XRCC1: variants seen among roughly 807,000 people sequenced by gnomAD.
XRCC1 encodes X-ray repair cross complementing 1.
XRCC1 carries 52 observed loss-of-function variants against 83.3 expected under a neutral mutation model. That is an observed-to-expected ratio of 0.62 (90% CI 0.50 to 0.79). XRCC1 has a LOEUF of 0.79. XRCC1 is among the 30% of genes least tolerant of loss of function. The pLI is 0.00. For missense variants in XRCC1, 793 were observed against 823.5 expected (o/e 0.96, Z 0.45); for synonymous variants, 281 against 312.6 (o/e 0.90, Z 1.07).
intron 12 of XRCC1, among the ~76,000 whole-genome samples, 157 bp downstream of exon 12, chr19:43,546,438 T>G (rs995013910): frequency 1.9e-5 from 2 of 107,114 alleles, no homozygotes; most frequent in African/African-American, 7.4e-5. Context: ...CCCTCATCCC[T>G]CAGACCCAGG....
rs756091575 is a variant in XRCC1 at position 43,554,739 on chromosome 19, G to A, written c.321C>T (p.Arg107=). 29 of 1,613,978 alleles carry A rather than the reference G, an allele frequency of 1.8e-5. No homozygotes were observed. In the East Asian group the frequency reaches 2.7e-4, roughly 15 times the overall value. The change falls in exon 4 of 17, where the codon CGC becomes CGT. Residue 107 remains arginine (R), a synonymous_variant. Transcript: ENST00000262887. ...SESRSGSNPN[R]VRMFGPDKLV... is the part of the protein sequence containing the mutation. ...GCTTGTCAGGCCCAAACATGCGAAC[G>A]CGGTTGGGGTTTGAGCCACTGCGGC...
chr19:43,550,697 C>T (rs984719520), intron 10 of XRCC1, among the ~76,000 whole-genome samples: 2 of 152,212 alleles, frequency 1.3e-5, no homozygotes, highest in Non-Finnish European at 2.9e-5. Flanking sequence ...CCTGTGTAAG[C>T]TCAGCCTCAC....
intron 2 of XRCC1, among the ~76,000 whole-genome samples, chr19:43,561,252 A>G (rs1223688952): frequency 6.6e-6 from 1 of 152,106 alleles, no homozygotes; most frequent in East Asian, 1.9e-4. Context: ...CACCTCACAC[A>G]TACCTGCTTC....
intron 2 of XRCC1, among the ~76,000 whole-genome samples, chr19:43,563,228 C>T (rs529488864): frequency 6.6e-6 from 1 of 152,054 alleles, no homozygotes; most frequent in Non-Finnish European, 1.5e-5. Context: ...GGCTCACACC[C>T]GTAATACCAG....
chr19:43,545,950 C>G lies in XRCC1; in HGVS notation c.1489G>C (p.Glu497Gln), dbSNP rs1972504157. Residue 497 changes from glutamate to glutamine, a missense_variant, in exon 14 of 17, where the codon GAG (glutamate) becomes CAG (glutamine). Glu to Gln is a conservative substitution (Grantham distance 29). Coordinates refer to ENST00000262887, the MANE Select transcript of XRCC1 (RefSeq NM_006297.3). ...DTEDELRRVA[E>Q]QKEHRLPPGQ... ...GGGGGCAGTCTGTGTTCCTTCTGCT[C>G]TGCCACCCTGGGGGTGCCAAGAGGA... is the stretch of plus-strand genomic sequence containing the variant. The G allele has an allele frequency of 1.2e-6, 2 of 1,613,734 alleles. No individual in the cohort carries two copies. The highest frequency in any genetic ancestry group is 1.7e-6 in the Non-Finnish European group (2 of 1,179,866).
intron 3 of XRCC1, among the ~76,000 whole-genome samples, chr19:43,556,363 A>G (rs891927775): frequency 6.6e-6 from 1 of 152,194 alleles, no homozygotes; most frequent in African/African-American, 2.4e-5. Flanking sequence ...AGCCTGTGGA[A>G]AGAGTCCCTG....
At chr19:43,543,742 T>A in intron 15 of XRCC1, 55 bp from the exon 16 acceptor site, 1 of 1,541,788 alleles carries the variant, frequency 6.5e-7, no homozygotes, top group Non-Finnish European at 8.9e-7. Context: ...AGCACTGACG[T>A]CCTACTCCCC....
intron 14 of XRCC1, among the ~76,000 whole-genome samples, 174 bp from the exon 15 acceptor site, chr19:43,544,408 AGGTT>A (rs956031808): frequency 1.1e-4 from 16 of 152,112 alleles, no homozygotes; most frequent in Non-Finnish European, 1.6e-4. Context: ...CTGGGGAGGT[AGGTT>A]GGTTGGTTGG....
At chr19:43,545,498 G>T (rs1972499146) in intron 14 of XRCC1, among the ~76,000 whole-genome samples, 1 of 152,186 alleles carries the variant, frequency 6.6e-6, no homozygotes, top group Non-Finnish European at 1.5e-5. Flanking sequence ...CGGCACCTGA[G>T]CAAGTGAAGC....
chr19:43,560,831 C>T lies in XRCC1; in HGVS notation c.255+79G>A, dbSNP rs148438412. On this transcript the variant is annotated intron_variant, in intron 3 of 16. Coordinates refer to ENST00000262887, the MANE Select transcript of XRCC1 (RefSeq NM_006297.3). Reference sequence around the variant, plus strand: ...TCACATCTGCCCCATGTCTTCCCAGCCCCAGCCCCTGGGGGAGACGGTGAT... The same window carrying T: ...TCACATCTGCCCCATGTCTTCCCAGTCCCAGCCCCTGGGGGAGACGGTGAT... 951 of 1,230,596 alleles carry T rather than the reference C, an allele frequency of 7.7e-4. 8 individuals are homozygous for T. The African/African-American group carries it at 0.013, about 17-fold the overall frequency. 76.2% of individuals were successfully genotyped at this position (1,230,596 alleles called of 1,614,324 possible).
At chr19:43,551,895 A>C (rs1366988119) in intron 9 of XRCC1, 122 bp downstream of exon 9, 5 of 1,222,982 alleles carry the variant, frequency 4.1e-6, no homozygotes, top group South Asian at 4.0e-5. Flanking sequence ...AGTGAGAAAG[A>C]AAGCAAGTGA....
At chr19:43,568,680 A>G (rs570921287) in intron 2 of XRCC1, among the ~76,000 whole-genome samples, 7 of 150,826 alleles carry the variant, frequency 4.6e-5, no homozygotes, top group Non-Finnish European at 8.8e-5. Flanking sequence ...TGTGTACAGA[A>G]TGACCCAGGA....
intron 5 of XRCC1, 32 bp from the exon 6 acceptor site, chr19:43,553,544 G>A: frequency 6.2e-7 from 1 of 1,613,598 alleles, no homozygotes. Flanking sequence ...ATTATAGGTG[G>A]GCTGCTGGCA....
At chr19:43,562,407 G>A (rs924276257) in intron 2 of XRCC1, among the ~76,000 whole-genome samples, 11 of 151,700 alleles carry the variant, frequency 7.3e-5, no homozygotes, top group African/African-American at 2.7e-4. Flanking sequence ...GTCTCTGTGA[G>A]GCAGTTTCCT....
At chr19:43,571,767 G>A (rs994290027) in intron 2 of XRCC1, among the ~76,000 whole-genome samples, 1 of 152,186 alleles carries the variant, frequency 6.6e-6, no homozygotes, top group Admixed American at 6.6e-5. Context: ...GATTATAGGC[G>A]TGAGCTTACT....
At chr19:43,573,607 T>A (rs1299089582) in intron 2 of XRCC1, among the ~76,000 whole-genome samples, 3 of 152,076 alleles carry the variant, frequency 2.0e-5, no homozygotes, top group Non-Finnish European at 4.4e-5. Flanking sequence ...GAACAATGGT[T>A]CATGCCTGTC....
intron 10 of XRCC1, among the ~76,000 whole-genome samples, chr19:43,548,784 A>AAAAAAAAAAAAAAAAAAC (rs752610644): frequency 7.7e-5 from 11 of 142,184 alleles, no homozygotes; most frequent in South Asian, 4.4e-4. Flanking sequence ...AAAAAAAAAA[A>AAAAAAAAAAAAAAAAAAC]AACACAACAG....
chr19:43,575,299 TC>T (rs1568520628), intron 1 of XRCC1, 108 bp downstream of exon 1: 2 of 1,236,748 alleles, frequency 1.6e-6, no homozygotes, highest in Admixed American at 2.8e-5. Context: ...CTCCTGGAAA[TC>T]CCCCCATGAC....
intron 2 of XRCC1, among the ~76,000 whole-genome samples, chr19:43,563,582 C>A (rs1309245827): frequency 6.6e-6 from 1 of 152,196 alleles, no homozygotes; most frequent in Non-Finnish European, 1.5e-5. Context: ...CCACCAGCCA[C>A]AACGGCCTCC....
Sources: gnomAD v4.1 joint callset for allele counts (sites outside exome capture counted in the v4.1 genomes callset) on GRCh38, gnomAD v4.1.1 for gene constraint, MANE v1.5 for transcripts, NCBI Gene and HGNC (gene_info 2026-07-23, HGNC 2026-07-21) for gene names.